HEG1: variants seen among roughly 807,000 people sequenced by gnomAD.
HEG1 encodes the protein protein HEG homolog 1.
In HEG1, 56 loss-of-function variants were observed where a neutral mutation model predicts 125.6. The observed-to-expected ratio is 0.45, with a 90% CI of 0.36 to 0.56. The LOEUF is 0.56. Ranked by LOEUF, HEG1 falls within the 20% of genes least tolerant of loss-of-function variation. The probability of loss-of-function intolerance (pLI) is 0.00; values close to 1 mark genes in which losing one functional copy is unlikely to be tolerated. For synonymous variants in HEG1, 644 were observed against 668.5 expected, an observed-to-expected ratio of 0.96 and a Z score of 0.57; for missense variants, 1,523 against 1,670.0, an observed-to-expected ratio of 0.91 and a Z score of 1.53.
Position 125,013,503 on chromosome 3 carries a change from T to C in HEG1, c.2076A>G (p.Leu692=). 6.2e-7 allele frequency: 1 copy of C among 1,613,132 alleles called. No individual in the cohort carries two copies. The highest frequency in any genetic ancestry group is 1.1e-5 in the South Asian group (1 of 90,962). The change falls in exon 6 of 17, where the codon TTA becomes TTG. Residue 692 remains leucine, a synonymous_variant. Transcript: ENST00000311127. ...SQSHHLFSSI[L]PSTRASVHLL... is the part of the protein sequence containing the mutation. ...GATGCACAGAGGCCCTGGTTGATGG[T>C]AAAATTGATGAAAATAAATGGTGGG...
Position 124,997,862 on chromosome 3 carries a change from C to T in HEG1, c.3518-39G>A, listed in dbSNP as rs114549630. On this transcript the variant is annotated intron_variant, in intron 11 of 16. Transcript: ENST00000311127. ...ACAAGACAGTGAAACAAAACAAAACCTTCTCCACTTCAAACCTTAAAATCT... is the reference window on the plus strand; with the variant it reads ...ACAAGACAGTGAAACAAAACAAAACTTTCTCCACTTCAAACCTTAAAATCT... 1.7e-3 allele frequency: 2,660 copies of T among 1,525,208 alleles called. 33 individuals are homozygous for T. The African/African-American group carries it at 0.031, about 18-fold the overall frequency. 94.5% of individuals were successfully genotyped at this position (1,525,208 alleles called of 1,614,324 possible). A position where few individuals can be genotyped will look rare whatever the true frequency, so the allele number is the denominator to read the frequency against.
Position 125,029,200 on chromosome 3 carries a change from T to C in HEG1, c.605A>G (p.Asn202Ser). ...IATALTSQSGNLASESLHLPS... is the reference protein window; with the variant it reads ...IATALTSQSGSLASESLHLPS... ...CATCATCAGCACAAGCTCACCTAAG[T>C]TGCCACTCTGGGAAGTCAGAGCTGT... The change falls in exon 2 of 17, where the codon AAC (asparagine) becomes AGC (serine). Residue 202 changes from asparagine (N) to serine (S), a missense_variant. Coordinates refer to ENST00000311127, the MANE Select transcript of HEG1 (RefSeq NM_020733.2). 6.2e-7 allele frequency: 1 copy of C among 1,611,406 alleles called. No homozygotes were observed. Among genetic ancestry groups the C allele is most frequent in the Non-Finnish European group, 8.5e-7 (1 of 1,178,852 alleles).
intron 6 of HEG1, among the ~76,000 whole-genome samples, chr3:125,011,983 A>T (rs1314424429): frequency 6.6e-6 from 1 of 152,192 alleles, no homozygotes; most frequent in South Asian, 2.1e-4. Flanking sequence ...GATGTAAAGG[A>T]GCTCTGGCCG....
chr3:125,026,263 T>C (rs1937412915), intron 3 of HEG1, among the ~76,000 whole-genome samples: 1 of 152,144 alleles, frequency 6.6e-6, no homozygotes, highest in Non-Finnish European at 1.5e-5. Flanking sequence ...CCCTATGTCT[T>C]ATCGGCTGCA....
intron 16 of HEG1, among the ~76,000 whole-genome samples, chr3:124,972,483 A>G (rs1936464422): frequency 6.6e-6 from 1 of 152,236 alleles, no homozygotes; most frequent in Non-Finnish European, 1.5e-5. Flanking sequence ...TTTTTCAAAA[A>G]GAGTCCATGG....
intron 1 of HEG1, among the ~76,000 whole-genome samples, chr3:125,048,574 A>C (rs896861318): frequency 7.9e-5 from 12 of 152,262 alleles, no homozygotes; most frequent in Non-Finnish European, 1.0e-4. Flanking sequence ...GTCTGGTGTA[A>C]GTGGAGAGCA....
At chr3:125,041,235 C>T (rs1381698319) in intron 1 of HEG1, among the ~76,000 whole-genome samples, 1 of 152,204 alleles carries the variant, frequency 6.6e-6, no homozygotes, top group African/African-American at 2.4e-5. Context: ...CCAAAGTTAC[C>T]TGGATTGTCT....
intron 15 of HEG1, among the ~76,000 whole-genome samples, chr3:124,975,566 C>T (rs1483976084): frequency 1.3e-5 from 2 of 152,214 alleles, no homozygotes; most frequent in East Asian, 3.8e-4. Context: ...GCGATTCACT[C>T]ATTTAATGGT....
In HEG1 at chr3:125,012,754, C is replaced by T. The variant is rs777218933; in HGVS notation, c.2825G>A (p.Arg942His). ...GVTAEYSPAS[R>H]SLGTSPSPQT... The stretch of plus-strand genomic sequence containing the variant: ...GGGAGAAGGAGATGTTCCGAGGGAA[C>T]GTGAAGCTGGGCTGTACTCTGCTGT... The change falls in exon 6 of 17, where the codon CGT (arginine) becomes CAT (histidine). Residue 942 changes from arginine (R) to histidine (H), a missense_variant. Physicochemically the swap from Arg to His is conservative, Grantham distance 29. Coordinates refer to ENST00000311127, the MANE Select transcript of HEG1 (RefSeq NM_020733.2). 29 of 1,613,896 alleles carry T rather than the reference C, an allele frequency of 1.8e-5. No individual in the cohort carries two copies. The highest frequency in any genetic ancestry group is 5.3e-5 in the African/African-American group (4 of 74,938).
chr3:125,033,099 C>T (rs1937515492), intron 1 of HEG1, among the ~76,000 whole-genome samples: 1 of 152,220 alleles, frequency 6.6e-6, no homozygotes, highest in Admixed American at 6.5e-5. Flanking sequence ...AACAGTCCTG[C>T]AGTATCCTCC....
At chr3:125,020,477 C>T (rs1185646012) in intron 4 of HEG1, among the ~76,000 whole-genome samples, 2 of 152,022 alleles carry the variant, frequency 1.3e-5, no homozygotes, top group Non-Finnish European at 2.9e-5. Flanking sequence ...TGAAGACCAT[C>T]CTGTAGAGTG....
intron 12 of HEG1, among the ~76,000 whole-genome samples, chr3:124,991,960 T>C (rs533821640): frequency 3.3e-5 from 5 of 152,304 alleles, no homozygotes; most frequent in African/African-American, 1.2e-4. Flanking sequence ...AAGTTCTCTA[T>C]AGATGAAGAA....
chr3:124,967,748 G>A lies in HEG1; in HGVS notation c.*2904C>T, dbSNP rs934493203. Reference sequence around the variant, plus strand: ...GTACCTGAGAAATGGGCACTTCCATGCCCACCTCTCAAGGATACTGTGAGG... The same window carrying A: ...GTACCTGAGAAATGGGCACTTCCATACCCACCTCTCAAGGATACTGTGAGG... On this transcript the variant is annotated 3_prime_UTR_variant, in exon 17 of 17. Coordinates refer to ENST00000311127, the MANE Select transcript of HEG1 (RefSeq NM_020733.2). The A allele has an allele frequency of 2.6e-5, 4 of 152,128 alleles. No individual in the cohort carries two copies. The highest frequency in any genetic ancestry group is 5.9e-5 in the Non-Finnish European group (4 of 68,060). The allele number at this position is 152,128 out of a possible 1,614,324, so 9.4% of individuals were successfully genotyped here. A position where few individuals can be genotyped will look rare whatever the true frequency, so the allele number is the denominator to read the frequency against.
chr3:125,043,113 T>A (rs1464159445), intron 1 of HEG1, among the ~76,000 whole-genome samples: 1 of 152,160 alleles, frequency 6.6e-6, no homozygotes, highest in Non-Finnish European at 1.5e-5. Flanking sequence ...GACGATCAGA[T>A]TTTTAAAACG....
chr3:125,048,298 C>T (rs1937711120), intron 1 of HEG1, among the ~76,000 whole-genome samples: 1 of 152,226 alleles, frequency 6.6e-6, no homozygotes, highest in South Asian at 2.1e-4. Flanking sequence ...GAGCCCCATA[C>T]CATGTGGTGG....
In HEG1 at chr3:125,055,951, G is replaced by GGCAGCGT; in HGVS notation, c.-62_-61insACGCTGC. ...CGCGGGGCGAGGGCAGCGGGCAGCG[G>GGCAGCGT]GCAGCGGGCGGCGGGGGCCGCGCGG... On this transcript the variant is annotated 5_prime_UTR_variant, in exon 1 of 17. Coordinates refer to ENST00000311127, the MANE Select transcript of HEG1 (RefSeq NM_020733.2). The GGCAGCGT allele has an allele frequency of 1.1e-6, 1 of 869,616 alleles. No homozygotes were observed. Among genetic ancestry groups the GGCAGCGT allele is most frequent in the Non-Finnish European group, 1.4e-6 (1 of 725,912 alleles). The allele number at this position is 869,616 out of a possible 1,614,324, so 53.9% of individuals were successfully genotyped here.
intron 1 of HEG1, among the ~76,000 whole-genome samples, 152 bp downstream of exon 1, chr3:125,055,423 C>G (rs1281423290): frequency 6.6e-6 from 1 of 152,204 alleles, no homozygotes; most frequent in African/African-American, 2.4e-5. Context: ...CCTCCCTACC[C>G]GCCGACCCTC....
intron 12 of HEG1, among the ~76,000 whole-genome samples, chr3:124,996,580 C>G (rs1387681520): frequency 6.6e-6 from 1 of 152,192 alleles, no homozygotes; most frequent in Non-Finnish European, 1.5e-5. Context: ...CAGGTCCCAC[C>G]TGGAGAGCTG....
Position 125,000,817 on chromosome 3 carries a change from T to C in HEG1, c.3517+1035A>G, listed in dbSNP as rs370085798. Among the ~76,000 whole-genome samples the C allele has an allele frequency of 2.6e-4, 39 of 152,348 alleles. 2 individuals are homozygous for C. In the East Asian group the frequency reaches 2.7e-3, roughly 11 times the overall value. ...GTTACAACCTGATATCTTCTACTCA[T>C]GTCCAGCGTCTGGATGCCAGATGGG... On this transcript the variant is annotated intron_variant, in intron 11 of 16. Coordinates refer to ENST00000311127, the MANE Select transcript of HEG1 (RefSeq NM_020733.2).
Sources: allele counts gnomAD v4.1 joint callset (sites outside exome capture counted in the v4.1 genomes callset), GRCh38; gene constraint gnomAD v4.1.1; transcripts MANE v1.5; gene names NCBI Gene and HGNC (gene_info 2026-07-23, HGNC 2026-07-21).